IKZF2: variants seen among roughly 807,000 people sequenced by gnomAD.
IKZF2 encodes the protein IKAROS family zinc finger 2.
In IKZF2, 15 loss-of-function variants were observed where a neutral mutation model predicts 49.2. The ratio of observed to expected loss-of-function variants is 0.30; its 90% CI spans 0.20 to 0.47. IKZF2 has a LOEUF of 0.47. IKZF2 is among the 20% of genes least tolerant of loss of function. The pLI, the probability that IKZF2 is intolerant of heterozygous loss-of-function variation, is 1.00. For missense variants in IKZF2, 567 were observed against 664.6 expected, an observed-to-expected ratio of 0.85 and a Z score of 1.61; for synonymous variants, 227 against 221.4, an observed-to-expected ratio of 1.03 and a Z score of -0.23.
At chr2:213,106,467 C>T (rs933328721) in intron 4 of IKZF2, among the ~76,000 whole-genome samples, 9 of 151,616 alleles carry the variant, frequency 5.9e-5, no homozygotes, top group Non-Finnish European at 2.9e-5. Context: ...AGTGAGACCT[C>T]GGATCTAGAG....
At chr2:213,111,966 T>A (rs1349355180) in intron 4 of IKZF2, among the ~76,000 whole-genome samples, 1 of 152,174 alleles carries the variant, frequency 6.6e-6, no homozygotes, top group Non-Finnish European at 1.5e-5. Flanking sequence ...AGAAACTGCC[T>A]CTTCTTTTTG....
chr2:213,138,770 T>C (rs1398472565), intron 4 of IKZF2, among the ~76,000 whole-genome samples: 1 of 152,030 alleles, frequency 6.6e-6, no homozygotes, highest in African/African-American at 2.4e-5. Flanking sequence ...TAACATGAAA[T>C]ACAACAGTTT....
At chr2:213,134,901 GA>G (rs1171452108) in intron 4 of IKZF2, among the ~76,000 whole-genome samples, 2 of 152,152 alleles carry the variant, frequency 1.3e-5, no homozygotes, top group African/African-American at 4.8e-5. Flanking sequence ...AACTCAAGTG[GA>G]GTCTGTGGCT....
At chr2:213,104,593 T>C (rs941392385) in intron 4 of IKZF2, among the ~76,000 whole-genome samples, 15 of 152,190 alleles carry the variant, frequency 9.9e-5, no homozygotes, top group African/African-American at 3.4e-4. Context: ...GGAGGTGTTC[T>C]CTTCTAGATA....
chr2:213,096,401 A>AT (rs1174141754), intron 4 of IKZF2, among the ~76,000 whole-genome samples: 1 of 151,858 alleles, frequency 6.6e-6, no homozygotes. Context: ...ACCTACCCCT[A>AT]TTTTTAACAT....
At chr2:213,085,963 G>A (rs1057163508) in intron 4 of IKZF2, among the ~76,000 whole-genome samples, 52 of 152,250 alleles carry the variant, frequency 3.4e-4, no homozygotes, top group African/African-American at 1.2e-3. Flanking sequence ...AGAAGGTGGT[G>A]ATTAAAAGTT....
chr2:213,111,752 T>C (rs532977073), intron 4 of IKZF2, among the ~76,000 whole-genome samples: 44 of 152,270 alleles, frequency 2.9e-4, no homozygotes, highest in Non-Finnish European at 4.7e-4. Context: ...TATTTCTGTT[T>C]ACTGGGTGTA....
Position 213,068,909 on chromosome 2 carries a change from G to A in IKZF2, c.140-11810C>T, listed in dbSNP as rs1490082297. On this transcript the variant is annotated intron_variant, in intron 4 of 8. Coordinates refer to ENST00000434687, the MANE Select transcript of IKZF2 (RefSeq NM_001387220.1). The stretch of plus-strand genomic sequence containing the variant: ...AATGTTGGCTAGTATCCAGGAGGGA[G>A]AAAACACACACACACACACACACAC... Among the ~76,000 whole-genome samples, 5 of 62,656 alleles carry A rather than the reference G, an allele frequency of 8.0e-5. No homozygotes were observed. In the East Asian group the frequency reaches 2.6e-3, roughly 33 times the overall value. 41.1% of individuals were successfully genotyped at this position (62,656 alleles called of 152,430 possible). A position where few individuals can be genotyped will look rare whatever the true frequency, so the allele number is the denominator to read the frequency against.
chr2:213,114,941 AT>A (rs1208325091), intron 4 of IKZF2, among the ~76,000 whole-genome samples: 1 of 151,592 alleles, frequency 6.6e-6, no homozygotes, highest in African/African-American at 2.4e-5. Flanking sequence ...AAAAAAAAAA[AT>A]CAAAGAAACA....
In IKZF2 at chr2:213,008,047, G is replaced by A. The variant is rs755796485; in HGVS notation, c.894C>T (p.His298=). ...KLMRFSYPDI[H]FDMNLTYEKE... is the part of the protein sequence containing the mutation. The stretch of plus-strand genomic sequence containing the variant: ...TCTCATATGTTAAGTTCATATCAAA[G>A]TGAATATCTGGGTAGCTGAATCGCA... Residue 298 remains histidine (H), a synonymous_variant, in exon 9 of 9, where the codon CAC becomes CAT. Transcript: ENST00000434687. The A allele has an allele frequency of 6.1e-5, 98 of 1,611,124 alleles. No individual in the cohort carries two copies. The highest frequency in any genetic ancestry group is 8.1e-5 in the Non-Finnish European group (95 of 1,178,504).
chr2:213,012,352 G>A lies in IKZF2; in HGVS notation c.856+1439C>T, dbSNP rs527745356. On this transcript the variant is annotated intron_variant, in intron 8 of 8. Coordinates refer to ENST00000434687, the MANE Select transcript of IKZF2 (RefSeq NM_001387220.1). ...TAAGTCAGGAAACATGACAAAAAAC[G>A]TTACAAAGAGTAGACTATATAAATT... 4.4e-4 allele frequency among the ~76,000 whole-genome samples: 67 copies of A among 151,760 alleles called. No individual in the cohort carries two copies. The South Asian group carries it at 7.5e-3, about 17-fold the overall frequency.
intron 4 of IKZF2, among the ~76,000 whole-genome samples, chr2:213,123,039 C>A (rs2060109533): frequency 6.6e-6 from 1 of 152,170 alleles, no homozygotes; most frequent in South Asian, 2.1e-4. Context: ...AGTAAAACTG[C>A]CACTCAGGCA....
chr2:213,007,709 T>G lies in IKZF2; in HGVS notation c.1232A>C (p.Glu411Ala). The change falls in exon 9 of 9, where the codon GAA (glutamate) becomes GCA (alanine). Residue 411 changes from glutamate to alanine, a missense_variant. Around this residue, in one of 5 missense-constraint regions of IKZF2, gnomAD observed 310 missense variants for 326.9 expected, o/e 0.95. Coordinates refer to ENST00000434687, the MANE Select transcript of IKZF2 (RefSeq NM_001387220.1). ...SNSCLDSTDSESSHDDHQSYQ... is the reference protein window; with the variant it reads ...SNSCLDSTDSASSHDDHQSYQ... Reference sequence around the variant, plus strand: ...GGACTGGTGGTCATCATGGCTGCTTTCTGAGTCAGTGGAATCCAGGCAGCT... The same window carrying G: ...GGACTGGTGGTCATCATGGCTGCTTGCTGAGTCAGTGGAATCCAGGCAGCT... The G allele has an allele frequency of 6.2e-7, 1 of 1,613,760 alleles. No individual in the cohort carries two copies. Among genetic ancestry groups the G allele is most frequent in the Non-Finnish European group, 8.5e-7 (1 of 1,179,774 alleles).
chr2:213,041,271 C>G (rs1699614000), intron 6 of IKZF2, among the ~76,000 whole-genome samples: 1 of 149,028 alleles, frequency 6.7e-6, no homozygotes, highest in Admixed American at 6.8e-5. Flanking sequence ...TAATGTATCT[C>G]TGGGACATGT....
At chr2:213,009,109 A>G (rs1488554654) in intron 8 of IKZF2, among the ~76,000 whole-genome samples, 1 of 152,102 alleles carries the variant, frequency 6.6e-6, no homozygotes, top group Non-Finnish European at 1.5e-5. Context: ...AGACATGTGT[A>G]TGTGATAGTG....
intron 7 of IKZF2, among the ~76,000 whole-genome samples, chr2:213,019,548 A>C (rs540970216): frequency 6.6e-6 from 1 of 152,372 alleles, no homozygotes; most frequent in African/African-American, 2.4e-5. Flanking sequence ...GGATAATCTC[A>C]AATTATTGTT....
At chr2:213,121,492 G>C (rs1307908800) in intron 4 of IKZF2, among the ~76,000 whole-genome samples, 2 of 152,272 alleles carry the variant, frequency 1.3e-5, no homozygotes, top group South Asian at 4.2e-4. Flanking sequence ...GTGGAAGCTG[G>C]AGTTCTGAAA....
intron 4 of IKZF2, among the ~76,000 whole-genome samples, chr2:213,080,848 A>G (rs1025363929): frequency 1.3e-5 from 2 of 152,184 alleles, no homozygotes; most frequent in Non-Finnish European, 2.9e-5. Context: ...GGAAAAAAAA[A>G]GCTATTTACT....
At chr2:213,110,556 C>A (rs1357523185) in intron 4 of IKZF2, among the ~76,000 whole-genome samples, 1 of 151,740 alleles carries the variant, frequency 6.6e-6, no homozygotes, top group African/African-American at 2.4e-5. Flanking sequence ...TTTATTTAAT[C>A]AATCCACTAC....
Sources: gnomAD v4.1 joint callset for allele counts (sites outside exome capture counted in the v4.1 genomes callset) on GRCh38, gnomAD v4.1.1 for gene constraint, gnomAD v4.1.1 regional missense constraint, MANE v1.5 for transcripts, NCBI Gene and HGNC (gene_info 2026-07-23, HGNC 2026-07-21) for gene names.